Variants in SNRPA1 observed in about 807,000 individuals in gnomAD.
SNRPA1 encodes the protein small nuclear ribonucleoprotein polypeptide A', also known as U2 small nuclear ribonucleoprotein A'.
Under a neutral mutation model 32.3 loss-of-function variants are expected in SNRPA1, and 5 were observed. The ratio of observed to expected loss-of-function variants is 0.15; its 90% CI spans 0.08 to 0.33. SNRPA1 has a LOEUF of 0.33. Among genes scored for constraint, SNRPA1 ranks in the 10% least tolerant of loss-of-function variants. The probability of loss-of-function intolerance (pLI) is 1.00; values close to 1 mark genes in which losing one functional copy is unlikely to be tolerated. For missense variants in SNRPA1, 198 were observed against 311.1 expected (o/e 0.64, Z 2.74); for synonymous variants, 111 against 120.1 (o/e 0.92, Z 0.50).
intron 6 of SNRPA1, 33 bp from the exon 7 acceptor site, chr15:101,285,834 T>G: frequency 1.3e-6 from 2 of 1,532,542 alleles, no homozygotes; most frequent in South Asian, 1.1e-5. Context: ...CTGTTAGACC[T>G]AGACCAACAG....
chr15:101,291,703 AAAG>A (rs199702654), intron 3 of SNRPA1, among the ~76,000 whole-genome samples: 287 of 152,354 alleles, frequency 1.9e-3, no homozygotes, highest in African/African-American at 6.6e-3. Flanking sequence ...GGGCTACAAT[AAAG>A]AAGAAGATTG....
rs1344482966 is a variant in SNRPA1 at position 101,282,615 on chromosome 15, G to A, written c.710-833C>T. Among the ~76,000 whole-genome samples the A allele has an allele frequency of 3.3e-5, 5 of 152,262 alleles. No homozygotes were observed. In the East Asian group the frequency reaches 7.7e-4, roughly 23 times the overall value. On this transcript the variant is annotated intron_variant, in intron 8 of 8. Coordinates refer to ENST00000254193, the MANE Select transcript of SNRPA1 (RefSeq NM_003090.4). ...TTCATACTCTTACTTGGTTTATCTT[G>A]TACTTTGAACAAATCTTTTACCCGT... is the stretch of plus-strand genomic sequence containing the variant.
intron 6 of SNRPA1, 200 bp from the exon 7 acceptor site, chr15:101,286,001 G>C (rs2039450593): frequency 1.6e-6 from 1 of 631,144 alleles, no homozygotes; most frequent in Non-Finnish European, 2.8e-6. Context: ...GGTATCACAT[G>C]AAGACTGACT....
intron 4 of SNRPA1, 125 bp from the exon 5 acceptor site, chr15:101,287,135 T>C: frequency 1.9e-6 from 1 of 530,308 alleles, no homozygotes. Flanking sequence ...TGCAACATTG[T>C]AACAATTTAA....
intron 8 of SNRPA1, among the ~76,000 whole-genome samples, chr15:101,282,759 A>T (rs574354604): frequency 3.7e-4 from 57 of 152,336 alleles, no homozygotes; most frequent in African/African-American, 1.3e-3. Flanking sequence ...TGCACATAAC[A>T]TTACTATTGA....
chr15:101,286,685 C>A (rs1182236374), intron 5 of SNRPA1: 2 of 489,392 alleles, frequency 4.1e-6, no homozygotes, highest in Non-Finnish European at 7.3e-6. Flanking sequence ...CAGCACTTTG[C>A]GAACTTCGGA....
chr15:101,288,290 AGGCTGGAGTACAGT>A (rs1440540950), intron 3 of SNRPA1: 1 of 139,280 alleles, frequency 7.2e-6, no homozygotes, highest in Non-Finnish European at 1.5e-5. Flanking sequence ...TCTGTTGCCC[AGGCTGGAGTACAGT>A]GGCGTGATCT....
chr15:101,286,329 G>C (rs1210473415), intron 5 of SNRPA1, 36 bp from the exon 6 acceptor site: 32 of 1,578,512 alleles, frequency 2.0e-5, no homozygotes, highest in Non-Finnish European at 2.5e-5. Flanking sequence ...AATGGAAATA[G>C]GAATACCACA....
Position 101,285,717 on chromosome 15 carries a change from C to G in SNRPA1, c.615+9G>C. ...TCATTCCAGTCCAAGAATCCTAACA[C>G]ATGATTACCTTGATTGCTTCTACAT... On this transcript the variant is annotated intron_variant, in intron 7 of 8. Coordinates refer to ENST00000254193, the MANE Select transcript of SNRPA1 (RefSeq NM_003090.4). 6.2e-7 allele frequency: 1 copy of G among 1,603,036 alleles called. No homozygotes were observed. Among genetic ancestry groups the G allele is most frequent in the Non-Finnish European group, 8.5e-7 (1 of 1,169,892 alleles).
At chr15:101,286,025 C>T in intron 6 of SNRPA1, 189 bp downstream of exon 6, 1 of 638,764 alleles carries the variant, frequency 1.6e-6, no homozygotes, top group Non-Finnish European at 2.8e-6. Context: ...GAAATATTTG[C>T]TCTGCTAAGC....
intron 1 of SNRPA1, among the ~76,000 whole-genome samples, chr15:101,294,103 C>A (rs987758353): frequency 1.3e-5 from 2 of 152,176 alleles, no homozygotes; most frequent in Admixed American, 1.3e-4. Flanking sequence ...GGCGTGGTGG[C>A]GCATGCCTGT....
intron 8 of SNRPA1, among the ~76,000 whole-genome samples, chr15:101,283,274 C>T (rs920787308): frequency 6.6e-6 from 1 of 152,110 alleles, no homozygotes; most frequent in Non-Finnish European, 1.5e-5. Flanking sequence ...TTCGGCCAGG[C>T]GCGGTGGCTC....
Position 101,295,085 on chromosome 15 carries a change from C to T in SNRPA1, c.82+12G>A. ...CCGCCTGGGGACTGGCCGCCCACGC[C>T]CCCGGACTCACCCCGGAGGTCCAGC... On this transcript the variant is annotated intron_variant, in intron 1 of 8. Transcript: ENST00000254193. The T allele has an allele frequency of 1.3e-6, 2 of 1,502,152 alleles. No individual in the cohort carries two copies. Among genetic ancestry groups the T allele is most frequent in the South Asian group, 2.5e-5 (2 of 80,456 alleles). The allele number at this position is 1,502,152 out of a possible 1,614,324, so 93.1% of individuals were successfully genotyped here. A position where few individuals can be genotyped will look rare whatever the true frequency, so the allele number is the denominator to read the frequency against.
chr15:101,292,266 G>T (rs1159985933), intron 2 of SNRPA1, among the ~76,000 whole-genome samples: 3 of 152,150 alleles, frequency 2.0e-5, no homozygotes, highest in Non-Finnish European at 4.4e-5. Context: ...ATACCATCTA[G>T]TGGAACCTGA....
chr15:101,292,200 CA>C (rs2039533529), intron 2 of SNRPA1, among the ~76,000 whole-genome samples, 160 bp from the exon 3 acceptor site: 1 of 152,210 alleles, frequency 6.6e-6, no homozygotes, highest in African/African-American at 2.4e-5. Flanking sequence ...TCTGAGGCCA[CA>C]GGGTCAGCAA....
chr15:101,287,768 G>T, intron 3 of SNRPA1, 66 bp from the exon 4 acceptor site: 1 of 1,443,370 alleles, frequency 6.9e-7, no homozygotes, highest in Non-Finnish European at 9.7e-7. Flanking sequence ...CTGAAATGGA[G>T]AGTGCTTTTG....
intron 3 of SNRPA1, among the ~76,000 whole-genome samples, chr15:101,291,519 C>CTT (rs61273059): frequency 1.2e-3 from 172 of 145,872 alleles, no homozygotes; most frequent in African/African-American, 3.7e-3. Flanking sequence ...AGATAGTTTA[C>CTT]TTTTTTTTTT....
At chr15:101,291,864 T>A (rs2039530103) in intron 3 of SNRPA1, 98 bp downstream of exon 3, 1 of 717,642 alleles carries the variant, frequency 1.4e-6, no homozygotes, top group Non-Finnish European at 2.4e-6. Context: ...AGAAAGAGGA[T>A]ACTGAGATCA....
intron 8 of SNRPA1, 75 bp downstream of exon 8, chr15:101,284,892 T>C (rs541243387): frequency 4.7e-6 from 5 of 1,066,350 alleles, no homozygotes; most frequent in African/African-American, 4.6e-5. Context: ...TCCAGAGTCA[T>C]GGCATCTAAA....
Sources: gnomAD v4.1 joint callset for allele counts (sites outside exome capture counted in the v4.1 genomes callset) on GRCh38, gnomAD v4.1.1 for gene constraint, MANE v1.5 for transcripts, NCBI Gene and HGNC (gene_info 2026-07-23, HGNC 2026-07-21) for gene names.